GPC3: variants seen among roughly 807,000 people sequenced by gnomAD.
The protein encoded by GPC3 is glypican 3.
A neutral mutation model predicts 34.4 loss-of-function variants in GPC3; 3 were observed. The ratio of observed to expected loss-of-function variants is 0.09; its 90% CI spans 0.04 to 0.23. The LOEUF is 0.23. GPC3 is among the 10% of genes least tolerant of loss of function. GPC3 has a pLI of 1.00. For missense variants in GPC3, 351 were observed against 445.6 expected, an observed-to-expected ratio of 0.79 and a Z score of 1.91; for synonymous variants, 177 against 174.0, an observed-to-expected ratio of 1.02 and a Z score of -0.13.
At chrX:133,546,498 A>G (rs1045040361) in intron 7 of GPC3, among the ~76,000 whole-genome samples, 1 of 111,415 alleles carries the variant, frequency 9.0e-6, no homozygotes, top group Non-Finnish European at 1.9e-5. Flanking sequence ...AATGTCCAGC[A>G]TAAACAAATA....
intron 5 of GPC3, among the ~76,000 whole-genome samples, chrX:133,678,106 A>G (rs970602392): frequency 2.7e-5 from 3 of 111,683 alleles, no homozygotes; most frequent in Non-Finnish European, 5.6e-5. Flanking sequence ...AATTTACTCA[A>G]TGTCATCAGT....
intron 2 of GPC3, among the ~76,000 whole-genome samples, chrX:133,900,452 C>T (rs192099250): frequency 5.5e-4 from 61 of 111,797 alleles, no homozygotes; most frequent in African/African-American, 1.8e-3. Context: ...CAGAGCTCAT[C>T]CAGACTGAAT....
intron 2 of GPC3, among the ~76,000 whole-genome samples, chrX:133,862,943 A>C (rs1426421896): frequency 1.8e-5 from 2 of 112,727 alleles, no homozygotes; most frequent in Non-Finnish European, 3.7e-5. Flanking sequence ...ATACTGTAGA[A>C]GCCGTTGCTC....
intron 3 of GPC3, among the ~76,000 whole-genome samples, chrX:133,745,505 GAGGCCCAC>G (rs1158297234): frequency 5.3e-5 from 6 of 112,747 alleles, no homozygotes; most frequent in Admixed American, 2.8e-4. Flanking sequence ...GGAGTAGCTG[GAGGCCCAC>G]AGTAGCAGAA....
At chrX:133,785,900 G>A (rs1283393812) in intron 2 of GPC3, among the ~76,000 whole-genome samples, 2 of 111,888 alleles carry the variant, frequency 1.8e-5, no homozygotes, top group African/African-American at 6.5e-5. Context: ...GTTTTACCCT[G>A]ACTATATGGC....
In GPC3 at chrX:133,822,664, G is replaced by A. The variant is rs138511971; in HGVS notation, c.338-68488C>T. On this transcript the variant is annotated intron_variant, in intron 2 of 7. Coordinates refer to ENST00000370818, the MANE Select transcript of GPC3 (RefSeq NM_004484.4). ...TTGAGATTTCAGGCATCCACTAGGG[G>A]TCTTGAATGCATGTCCATGGATAAG... Among the ~76,000 whole-genome samples, 488 of 111,355 alleles carry A rather than the reference G, an allele frequency of 4.4e-3. 3 individuals are homozygous for A. Among genetic ancestry groups the A allele is most frequent in the African/African-American group, 0.016 (476 of 30,614 alleles).
chrX:133,831,351 G>C (rs974453463), intron 2 of GPC3, among the ~76,000 whole-genome samples: 9 of 112,201 alleles, frequency 8.0e-5, no homozygotes, highest in African/African-American at 2.3e-4. Flanking sequence ...GGGGAAGCTA[G>C]GCAAAGGACA....
At chrX:133,905,715 T>A (rs1569453016) in intron 2 of GPC3, among the ~76,000 whole-genome samples, 2 of 106,291 alleles carry the variant, frequency 1.9e-5, no homozygotes. Context: ...GATTTGGGGT[T>A]AAAAAAAAAA....
intron 2 of GPC3, among the ~76,000 whole-genome samples, chrX:133,758,996 T>C (rs56322027): frequency 1.8e-5 from 2 of 111,386 alleles, no homozygotes; most frequent in Non-Finnish European, 3.8e-5. Flanking sequence ...TAGGCAAGAA[T>C]GTCCCTATTT....
In GPC3 at chrX:133,763,268, A is replaced by G. The variant is rs963664867; in HGVS notation, c.338-9092T>C. 20 of 555,866 alleles carry G rather than the reference A, an allele frequency of 3.6e-5. 1 individual carries two copies. The highest frequency in any genetic ancestry group is 1.1e-4 in the South Asian group (5 of 44,630). The allele number at this position is 555,866 out of a possible 1,213,427, so 45.8% of individuals were successfully genotyped here. A position where few individuals can be genotyped will look rare whatever the true frequency, so the allele number is the denominator to read the frequency against. ...ACAGATTCTCCTCTGTGCTATGTGA[A>G]CATTACCATCCCATGCAACAACAAG... On this transcript the variant is annotated intron_variant, in intron 2 of 7. Coordinates refer to ENST00000370818, the MANE Select transcript of GPC3 (RefSeq NM_004484.4).
At chrX:133,546,868 C>G (rs1240937951) in intron 7 of GPC3, among the ~76,000 whole-genome samples, 1 of 112,280 alleles carries the variant, frequency 8.9e-6, no homozygotes, top group Non-Finnish European at 1.9e-5. Context: ...GATATCTGTA[C>G]TTCCAGGTTT....
At chrX:133,863,901 C>T (rs1313735916) in intron 2 of GPC3, among the ~76,000 whole-genome samples, 1 of 107,564 alleles carries the variant, frequency 9.3e-6, no homozygotes, top group African/African-American at 3.4e-5. Context: ...ATGATCCACC[C>T]GCCTCGGCCT....
In GPC3 at chrX:133,985,522, G is replaced by C. The variant is rs953259806; in HGVS notation, c.-73C>G. 4.6e-5 allele frequency: 46 copies of C among 990,094 alleles called. No homozygotes were observed. The highest frequency in any genetic ancestry group is 6.0e-5 in the Non-Finnish European group (43 of 717,739). The allele number at this position is 990,094 out of a possible 1,213,427, so 81.6% of individuals were successfully genotyped here. On this transcript the variant is annotated 5_prime_UTR_variant, in exon 1 of 8. Coordinates refer to ENST00000370818, the MANE Select transcript of GPC3 (RefSeq NM_004484.4). ...CGAGAGCAGTCCCAGGACTCGGCAA[G>C]CCTGGCAGTGGCCCTGAGGAGCAAG...
At chrX:133,721,419 T>C (rs1338776493) in intron 3 of GPC3, among the ~76,000 whole-genome samples, 2 of 110,315 alleles carry the variant, frequency 1.8e-5, no homozygotes, top group African/African-American at 3.3e-5. Context: ...ATAACTTTGA[T>C]GAAATGGACA....
chrX:133,914,946 T>TATAC (rs1393477841), intron 2 of GPC3, among the ~76,000 whole-genome samples: 3 of 54,581 alleles, frequency 5.5e-5, no homozygotes, highest in African/African-American at 2.1e-4. Flanking sequence ...AAACTGGAAA[T>TATAC]ATATATATAT....
chrX:133,669,977 T>C (rs1468259124), intron 5 of GPC3, among the ~76,000 whole-genome samples: 1 of 110,098 alleles, frequency 9.1e-6, no homozygotes, highest in African/African-American at 3.3e-5. Context: ...GCGGAGGGGG[T>C]TGGGGAGAGC....
intron 5 of GPC3, among the ~76,000 whole-genome samples, chrX:133,684,957 C>T (rs780282993): frequency 9.2e-6 from 1 of 108,682 alleles, no homozygotes; most frequent in South Asian, 4.0e-4. Flanking sequence ...CCATGTAAAC[C>T]AGTGAAAGAC....
intron 2 of GPC3, among the ~76,000 whole-genome samples, chrX:133,784,754 A>G (rs759056514): frequency 8.9e-6 from 1 of 112,435 alleles, no homozygotes; most frequent in South Asian, 3.7e-4. Flanking sequence ...AAAGTGTACA[A>G]TTCATTGGTT....
chrX:133,631,855 A>G (rs2070369704), intron 6 of GPC3, among the ~76,000 whole-genome samples: 2 of 109,641 alleles, frequency 1.8e-5, no homozygotes, highest in Middle Eastern at 4.7e-3. Context: ...GTTTTAACTT[A>G]CATTTACCAA....
Sources: gnomAD v4.1 joint callset for allele counts (sites outside exome capture counted in the v4.1 genomes callset) on GRCh38, gnomAD v4.1.1 for gene constraint, MANE v1.5 for transcripts, NCBI Gene and HGNC (gene_info 2026-07-23, HGNC 2026-07-21) for gene names.